The following PIP4K2B variants were observed in gnomAD, a reference collection of about 807,000 sequenced individuals.
PIP4K2B encodes the protein phosphatidylinositol 5-phosphate 4-kinase type-2 beta.
PIP4K2B carries 3 observed loss-of-function variants against 42.0 expected under a neutral mutation model. That is an observed-to-expected ratio of 0.07 (90% CI 0.03 to 0.18). PIP4K2B has a LOEUF of 0.18. Ranked by LOEUF, PIP4K2B falls within the 10% of genes least tolerant of loss-of-function variation. The pLI, the probability that PIP4K2B is intolerant of heterozygous loss-of-function variation, is 1.00. For synonymous variants in PIP4K2B, 204 were observed against 210.1 expected (o/e 0.97, Z 0.25); for missense variants, 332 against 562.3 (o/e 0.59, Z 4.14).
At chr17:38,770,385 C>G (rs750687298) in intron 9 of PIP4K2B, 51 bp downstream of exon 9, 1 of 1,107,766 alleles carries the variant, frequency 9.0e-7, no homozygotes, top group Non-Finnish European at 1.4e-6. Flanking sequence ...TGAGGGTAAG[C>G]ACAGATGCAC....
chr17:38,774,727 G>T (rs1046620304), intron 7 of PIP4K2B, among the ~76,000 whole-genome samples: 1 of 151,650 alleles, frequency 6.6e-6, no homozygotes, highest in African/African-American at 2.4e-5. Flanking sequence ...CCAAGATCGC[G>T]CCACTGTACT....
intron 7 of PIP4K2B, among the ~76,000 whole-genome samples, chr17:38,771,789 G>A (rs1909058079): frequency 6.6e-6 from 1 of 152,168 alleles, no homozygotes; most frequent in South Asian, 2.1e-4. Flanking sequence ...AGAACTTTGG[G>A]AGGCCAATTA....
intron 1 of PIP4K2B, among the ~76,000 whole-genome samples, chr17:38,795,928 C>T (rs917563334): frequency 6.6e-6 from 1 of 151,930 alleles, no homozygotes; most frequent in Non-Finnish European, 1.5e-5. Flanking sequence ...CACCTGAGGT[C>T]AGGAGTTTGA....
At chr17:38,781,914 G>A (rs1909740422) in intron 3 of PIP4K2B, among the ~76,000 whole-genome samples, 1 of 152,082 alleles carries the variant, frequency 6.6e-6, no homozygotes, top group African/African-American at 2.4e-5. Flanking sequence ...CTGGGCTCAA[G>A]GGATCCTCTC....
Position 38,768,242 on chromosome 17 carries a change from GAAC to G in PIP4K2B, c.*1446_*1448del, listed in dbSNP as rs775134895. On this transcript the variant is annotated 3_prime_UTR_variant, in exon 10 of 10. Transcript: ENST00000619039. ...GCAGGAATGTACCTCCCCCAATGCA[GAAC>G]AACAGAGCTGTTTCTCTCCTGGCCA... 5 of 152,298 alleles carry G rather than the reference GAAC, an allele frequency of 3.3e-5. No individual in the cohort carries two copies. Among genetic ancestry groups the G allele is most frequent in the African/African-American group, 7.2e-5 (3 of 41,466 alleles). 9.4% of individuals were successfully genotyped at this position (152,298 alleles called of 1,614,324 possible). A position where few individuals can be genotyped will look rare whatever the true frequency, so the allele number is the denominator to read the frequency against.
intron 3 of PIP4K2B, among the ~76,000 whole-genome samples, chr17:38,782,940 C>A (rs539675478): frequency 6.6e-6 from 1 of 152,196 alleles, no homozygotes; most frequent in Non-Finnish European, 1.5e-5. Context: ...GTAATCCCAG[C>A]ACTTTGGGAG....
At position 38,789,223 on chromosome 17, in the gene PIP4K2B, A is replaced by G. The variant is rs561869968; in HGVS notation, c.160-2303T>C. ...GGATGCCTTGCCTCTACTGCAAACAAACCTTCTGACTTTCATCCCTTCAGG... is the reference window on the plus strand; with the variant it reads ...GGATGCCTTGCCTCTACTGCAAACAGACCTTCTGACTTTCATCCCTTCAGG... On this transcript the variant is annotated intron_variant, in intron 1 of 9. Transcript: ENST00000619039. Among the ~76,000 whole-genome samples, 4 of 152,358 alleles carry G rather than the reference A, an allele frequency of 2.6e-5. No homozygotes were observed. In the South Asian group the frequency reaches 6.2e-4, roughly 24 times the overall value.
intron 1 of PIP4K2B, among the ~76,000 whole-genome samples, chr17:38,797,943 T>C (rs189564178): frequency 3.8e-4 from 58 of 152,180 alleles, no homozygotes; most frequent in African/African-American, 1.1e-3. Flanking sequence ...CTAACACCAG[T>C]GATGACAGTG....
intron 1 of PIP4K2B, among the ~76,000 whole-genome samples, chr17:38,795,099 CAAAAAAAAAAAA>C (rs61707682): frequency 7.2e-5 from 3 of 41,496 alleles, no homozygotes; most frequent in African/African-American, 1.7e-4. Context: ...AACTCCATCT[CAAAAAAAAAAAA>C]AAAAAAAAAA....
chr17:38,796,025 C>A (rs990365532), intron 1 of PIP4K2B, among the ~76,000 whole-genome samples: 3 of 151,960 alleles, frequency 2.0e-5, no homozygotes, highest in African/African-American at 7.3e-5. Context: ...GTAATCCCAG[C>A]TACTGAGGAG....
intron 1 of PIP4K2B, among the ~76,000 whole-genome samples, chr17:38,794,497 A>G (rs1045728448): frequency 1.4e-4 from 17 of 122,398 alleles, no homozygotes; most frequent in Admixed American, 1.3e-3. Context: ...CAATACAATT[A>G]AAAAAAAAAA....
At chr17:38,789,580 A>T (rs1336817013) in intron 1 of PIP4K2B, among the ~76,000 whole-genome samples, 1 of 152,220 alleles carries the variant, frequency 6.6e-6, no homozygotes, top group African/African-American at 2.4e-5. Flanking sequence ...CTCCAGGAGC[A>T]TAAATGGGGG....
At chr17:38,781,924 C>T (rs1183821784) in intron 3 of PIP4K2B, among the ~76,000 whole-genome samples, 1 of 152,050 alleles carries the variant, frequency 6.6e-6, no homozygotes, top group Admixed American at 6.6e-5. Context: ...GGGATCCTCT[C>T]GCCTCGGCCT....
chr17:38,777,901 G>A, intron 6 of PIP4K2B, 101 bp from the exon 7 acceptor site: 1 of 851,348 alleles, frequency 1.2e-6, no homozygotes, highest in Middle Eastern at 2.6e-4. Context: ...GGGGAAGGAG[G>A]GGTTGTCAGT....
intron 1 of PIP4K2B, chr17:38,792,800 C>T (rs4795318): frequency 0.39 from 59,790 of 152,154 alleles, 13,564 homozygotes; most frequent in Middle Eastern, 0.56. Context: ...ATAAATCTAC[C>T]GGTGTTTACT....
intron 1 of PIP4K2B, among the ~76,000 whole-genome samples, chr17:38,790,715 C>A (rs1910300452): frequency 6.6e-6 from 1 of 152,088 alleles, no homozygotes; most frequent in South Asian, 2.1e-4. Context: ...CCTCAGCCTC[C>A]CAAAATGCTG....
intron 1 of PIP4K2B, among the ~76,000 whole-genome samples, chr17:38,798,374 A>T (rs1226721424): frequency 6.6e-6 from 1 of 152,190 alleles, no homozygotes; most frequent in East Asian, 1.9e-4. Context: ...CCACATAAAC[A>T]GTCTTCCAGC....
At chr17:38,798,109 A>C (rs1014789215) in intron 1 of PIP4K2B, among the ~76,000 whole-genome samples, 1 of 152,214 alleles carries the variant, frequency 6.6e-6, no homozygotes, top group Non-Finnish European at 1.5e-5. Context: ...AAAGCAATGC[A>C]AAGTCTTGCT....
chr17:38,770,383 A>C (rs1567651129), intron 9 of PIP4K2B, 53 bp downstream of exon 9: 16 of 1,070,038 alleles, frequency 1.5e-5, no homozygotes, highest in Non-Finnish European at 2.3e-5. Flanking sequence ...TCTGAGGGTA[A>C]GCACAGATGC....
Sources: gnomAD v4.1 joint callset for allele counts (sites outside exome capture counted in the v4.1 genomes callset) on GRCh38, gnomAD v4.1.1 for gene constraint, MANE v1.5 for transcripts, NCBI Gene and HGNC (gene_info 2026-07-23, HGNC 2026-07-21) for gene names.